The following DNAJC14 variants were observed in gnomAD, a reference collection of about 807,000 sequenced individuals.
DNAJC14 encodes dnaJ homolog subfamily C member 14.
Under a neutral mutation model 68.8 loss-of-function variants are expected in DNAJC14, and 12 were observed. The ratio of observed to expected loss-of-function variants is 0.17; its 90% CI spans 0.11 to 0.28. The LOEUF (loss-of-function observed/expected upper bound fraction) is 0.28, where lower values mean the gene tolerates loss of function less well. Among genes scored for constraint, DNAJC14 ranks in the 10% least tolerant of loss-of-function variants. The probability of loss-of-function intolerance (pLI) is 1.00; values close to 1 mark genes in which losing one functional copy is unlikely to be tolerated. For synonymous variants in DNAJC14, 350 were observed against 321.5 expected (o/e 1.09, Z -0.95); for missense variants, 764 against 875.6 (o/e 0.87, Z 1.61).
upstream of DNAJC14, chr12:55,829,781 G>T: frequency 9.9e-6 from 2 of 202,518 alleles, no homozygotes; most frequent in Non-Finnish European, 1.8e-5. Context: ...CCCTCCCTCC[G>T]CGTGTGGGAA....
In DNAJC14 at chr12:55,828,639, C is replaced by G; in HGVS notation, c.20G>C (p.Gly7Ala). 1.2e-6 allele frequency: 2 copies of G among 1,613,312 alleles called. No homozygotes were observed. Among genetic ancestry groups the G allele is most frequent in the South Asian group, 2.2e-5 (2 of 91,042 alleles). MAQKHP[G>A]ERGLYGAHHS... is the part of the protein sequence containing the mutation. ...GTGGGCTCCATACAACCCTCTTTCT[C>G]CGGGGTGCTTCTGGGCCATGACCCC... The change falls in exon 2 of 7, where the codon GGA (glycine) becomes GCA (alanine). Residue 7 changes from glycine (G) to alanine (A), a missense_variant. Around this residue, in one of 4 missense-constraint regions of DNAJC14, gnomAD observed 514 missense variants for 521.7 expected, o/e 0.99. Coordinates refer to ENST00000678005, the MANE Select transcript of DNAJC14 (RefSeq NM_032364.6).
rs1217988276 is a variant in DNAJC14 at position 55,827,244 on chromosome 12, G to GT, written c.1407+7dup. 1 of 1,461,278 alleles carries GT rather than the reference G, an allele frequency of 6.8e-7. No homozygotes were observed. Among genetic ancestry groups the GT allele is most frequent in the East Asian group, 2.4e-5 (1 of 41,694 alleles). 90.5% of individuals were successfully genotyped at this position (1,461,278 alleles called of 1,614,324 possible). On this transcript the variant is annotated splice_region_variant and intron_variant, in intron 2 of 6. Coordinates refer to ENST00000678005, the MANE Select transcript of DNAJC14 (RefSeq NM_032364.6). Reference sequence around the variant, plus strand: ...AAAGAGAGAAACAGGAAACAGAAGGGTACTCACCATCACTGCCAGCTGTCT... The same window carrying GT: ...AAAGAGAGAAACAGGAAACAGAAGGGTTACTCACCATCACTGCCAGCTGTCT...
At position 55,828,008 on chromosome 12, in the gene DNAJC14, G is replaced by A; in HGVS notation, c.651C>T (p.Ser217=). 1.2e-6 allele frequency: 2 copies of A among 1,613,528 alleles called. No individual in the cohort carries two copies. Among genetic ancestry groups the A allele is most frequent in the Non-Finnish European group, 8.5e-7 (1 of 1,179,930 alleles). Residue 217 remains serine (S), a synonymous_variant, in exon 2 of 7, where the codon TCC becomes TCT. Transcript: ENST00000678005. The part of the protein sequence containing the change: ...TREGGRRDPR[S]PGRHRLGRKR... ...TCCGACCCAGCCGATGTCGACCAGG[G>A]GACCTGGGATCCCTACGTCCACCCT...
chr12:55,826,985 C>A (rs1161593729), intron 2 of DNAJC14, among the ~76,000 whole-genome samples: 1 of 151,612 alleles, frequency 6.6e-6, no homozygotes, highest in Non-Finnish European at 1.5e-5. Context: ...GTCAGGAGTT[C>A]GAGACCAGCA....
At position 55,828,184 on chromosome 12, in the gene DNAJC14, A is replaced by G. The variant is rs1354584092; in HGVS notation, c.475T>C (p.Ser159Pro). 1.2e-6 allele frequency: 2 copies of G among 1,612,710 alleles called. No individual in the cohort carries two copies. The highest frequency in any genetic ancestry group is 2.7e-5 in the African/African-American group (2 of 74,792). The change falls in exon 2 of 7, where the codon TCT becomes CCT. Residue 159 changes from serine to proline, a missense_variant. Transcript: ENST00000678005. ...AACTCATCTTCCCCCAAAGCTGGAG[A>G]GGTACAGTGGTGGCAAAAGTTGCTA... ...SSSNFCHHCT[S>P]PALGEDELEE...
chr12:55,828,322 T>C lies in DNAJC14; in HGVS notation c.337A>G (p.Thr113Ala), dbSNP rs780938828. Reference sequence around the variant, plus strand: ...GAGTTCCCATCCTTCTGGTTCCCAGTCTCGTTTTCTTTTGAGAGTTCCTGG... The same window carrying C: ...GAGTTCCCATCCTTCTGGTTCCCAGCCTCGTTTTCTTTTGAGAGTTCCTGG... ...VDQELSKENE[T>A]GNQKDGNSFL... is the part of the protein sequence containing the mutation. The change falls in exon 2 of 7, where the codon ACT becomes GCT. Residue 113 changes from threonine (T) to alanine (A), a missense_variant. Physicochemically the swap from Thr to Ala is moderately conservative, Grantham distance 58. Transcript: ENST00000678005. 11 of 1,613,148 alleles carry C rather than the reference T, an allele frequency of 6.8e-6. No individual in the cohort carries two copies. In the South Asian group the frequency reaches 1.2e-4, roughly 18 times the overall value.
At position 55,822,120 on chromosome 12, in the gene DNAJC14, C is replaced by A; in HGVS notation, c.1966G>T (p.Gly656Trp). ...AAGAAGTTCCCATTGGGCATCTGCC[C>A]TGGGGGTACTTGAAAGATCCGACTC... ...FLSRIFQVPPGQMPNGNFFAA... is the reference protein window; with the variant it reads ...FLSRIFQVPPWQMPNGNFFAA... Residue 656 changes from glycine (G) to tryptophan (W), a missense_variant, in exon 7 of 7, where the codon GGG becomes TGG. By Grantham distance (184) the Gly-to-Trp change is radical. Around this residue, in one of 4 missense-constraint regions of DNAJC14, gnomAD observed 134 missense variants for 162.3 expected, o/e 0.83. Transcript: ENST00000678005. The A allele has an allele frequency of 6.2e-7, 1 of 1,610,296 alleles. No individual in the cohort carries two copies. The highest frequency in any genetic ancestry group is 8.5e-7 in the Non-Finnish European group (1 of 1,178,778).
At chr12:55,825,813 G>A (rs900563025) in intron 2 of DNAJC14, among the ~76,000 whole-genome samples, 1 of 151,426 alleles carries the variant, frequency 6.6e-6, no homozygotes, top group Non-Finnish European at 1.5e-5. Flanking sequence ...CAAAGTGCTG[G>A]GATTACAGGC....
At chr12:55,826,212 A>G (rs1036957522) in intron 2 of DNAJC14, among the ~76,000 whole-genome samples, 6 of 151,582 alleles carry the variant, frequency 4.0e-5, no homozygotes, top group East Asian at 3.9e-4. Flanking sequence ...TTCAAAGAAT[A>G]TATCTCGTGA....
chr12:55,827,762 C>G lies in DNAJC14; in HGVS notation c.897G>C (p.Gly299=). The G allele has an allele frequency of 6.2e-7, 1 of 1,613,980 alleles. No individual in the cohort carries two copies. ...ACTGAAACATGACCTGGGCCCAGCC[C>G]CCTAACCGCCCTGTCCACACTCCCA... ...VWMGVWTGRL[G]GWAQVMFQFL... is the part of the protein sequence containing the mutation. Residue 299 remains glycine (G), a synonymous_variant, in exon 2 of 7, where the codon GGG becomes GGC. Coordinates refer to ENST00000678005, the MANE Select transcript of DNAJC14 (RefSeq NM_032364.6).
chr12:55,829,645 G>T (rs1425672302), upstream of DNAJC14: 1 of 976,698 alleles, frequency 1.0e-6, no homozygotes, highest in South Asian at 4.7e-5. Flanking sequence ...CACTTCCGGG[G>T]TCACCAGGGA....
In DNAJC14 at chr12:55,828,197, G is replaced by A. The variant is rs1403491321; in HGVS notation, c.462C>T (p.Cys154=). Residue 154 remains cysteine (C), a synonymous_variant, in exon 2 of 7, where the codon TGC becomes TGT. Transcript: ENST00000678005. ...EGGNGSSSNF[C]HHCTSPALGE... ...CCAAAGCTGGAGAGGTACAGTGGTG[G>A]CAAAAGTTGCTAGAAGAACCATTTC... 5.6e-6 allele frequency: 9 copies of A among 1,611,456 alleles called. No individual in the cohort carries two copies. In the East Asian group the frequency reaches 6.7e-5, roughly 12 times the overall value.
intron 4 of DNAJC14, 112 bp from the exon 5 acceptor site, chr12:55,822,844 C>T (rs1880704959): frequency 2.1e-6 from 3 of 1,443,418 alleles, no homozygotes; most frequent in Non-Finnish European, 2.8e-6. Flanking sequence ...AATTACCCCA[C>T]TTAGTATTTC....
intron 4 of DNAJC14, 129 bp from the exon 5 acceptor site, chr12:55,822,861 C>T (rs983797897): frequency 7.2e-7 from 1 of 1,393,722 alleles, no homozygotes; most frequent in Non-Finnish European, 9.7e-7. Context: ...TTTCATATCC[C>T]TTCAACGTTC....
In DNAJC14 at chr12:55,821,954, G is replaced by T; in HGVS notation, c.*23C>A. On this transcript the variant is annotated 3_prime_UTR_variant, in exon 7 of 7. Transcript: ENST00000678005. ...ACAGCCCTTTTGACTCCCTGACATT[G>T]ATTTGAGGAAAGAGAAGGGGCATCA... 6.3e-7 allele frequency: 1 copy of T among 1,596,024 alleles called. No individual in the cohort carries two copies. The highest frequency in any genetic ancestry group is 1.1e-5 in the South Asian group (1 of 88,424).
intron 1 of DNAJC14, chr12:55,829,273 C>T (rs898458352): frequency 6.0e-5 from 52 of 860,500 alleles, no homozygotes; most frequent in East Asian, 1.2e-4. Context: ...GGTGAAACTC[C>T]GTCTCTACTA....
rs1267561363 is a variant in DNAJC14, at chr12:55,821,641, AG to A, written c.*335del. 6.2e-6 allele frequency: 1 copy of A among 162,420 alleles called. No homozygotes were observed. Among genetic ancestry groups the A allele is most frequent in the African/African-American group, 2.4e-5 (1 of 41,740 alleles). 10.1% of individuals were successfully genotyped at this position (162,420 alleles called of 1,614,324 possible). On this transcript the variant is annotated 3_prime_UTR_variant, in exon 7 of 7. Coordinates refer to ENST00000678005, the MANE Select transcript of DNAJC14 (RefSeq NM_032364.6). ...GACGGGTGGATCACCTGAGCTCAGG[AG>A]TTCGAGACCAGCCTGGGCAACATGG...
chr12:55,824,882 G>A (rs1190141885), intron 2 of DNAJC14, among the ~76,000 whole-genome samples: 3 of 152,154 alleles, frequency 2.0e-5, no homozygotes, highest in Non-Finnish European at 4.4e-5. Flanking sequence ...TGTAATCCCA[G>A]CACTCTGGGA....
rs142001937 is a variant in DNAJC14, at chr12:55,827,968, C to T, written c.691G>A (p.Asp231Asn). 579 of 1,612,668 alleles carry T rather than the reference C, an allele frequency of 3.6e-4. 5 individuals carry two copies. The highest frequency in any genetic ancestry group is 1.6e-4 in the Middle Eastern group (1 of 6,078). Reference sequence around the variant, plus strand: ...CACAATCCCAGGCCTTTGCGCTTATCTGCCTGACTTCGTTTCCGACCCAGC... The same window carrying T: ...CACAATCCCAGGCCTTTGCGCTTATTTGCCTGACTTCGTTTCCGACCCAGC... ...HRLGRKRSQA[D>N]KRKGLGLWGA... is the part of the protein sequence containing the mutation. Residue 231 changes from aspartate to asparagine, a missense_variant, in exon 2 of 7, where the codon GAT becomes AAT. By Grantham distance (23) the Asp-to-Asn change is conservative. Coordinates refer to ENST00000678005, the MANE Select transcript of DNAJC14 (RefSeq NM_032364.6).
Sources: allele counts gnomAD v4.1 joint callset (sites outside exome capture counted in the v4.1 genomes callset), GRCh38; gene constraint gnomAD v4.1.1; regional missense constraint gnomAD v4.1.1; transcripts MANE v1.5; gene names NCBI Gene and HGNC (gene_info 2026-07-23, HGNC 2026-07-21).